PCDH9: variants seen among roughly 807,000 people sequenced by gnomAD.
PCDH9 encodes the protein protocadherin-9.
A neutral mutation model predicts 70.6 loss-of-function variants in PCDH9; 24 were observed. The observed-to-expected ratio is 0.34, with a 90% CI of 0.25 to 0.48. The LOEUF is 0.48. Ranked by LOEUF, PCDH9 falls within the 20% of genes least tolerant of loss-of-function variation. The pLI is 0.99. For synonymous variants in PCDH9, 562 were observed against 558.5 expected (o/e 1.01, Z -0.09); for missense variants, 1,281 against 1,503.6 (o/e 0.85, Z 2.45).
rs182975509 is a variant in PCDH9 at position 66,355,845 on chromosome 13, A to G, written c.3341-50817T>C. Among the ~76,000 whole-genome samples, 4 of 152,270 alleles carry G rather than the reference A, an allele frequency of 2.6e-5. No individual in the cohort carries two copies. The East Asian group carries it at 5.8e-4, about 22-fold the overall frequency. On this transcript the variant is annotated intron_variant, in intron 4 of 4. Transcript: ENST00000377865. The stretch of plus-strand genomic sequence containing the variant: ...GACTTTATAGAACATAACTACTGAA[A>G]AGAACAAGAATTGACAATACCTTCT...
chr13:66,758,942 T>G (rs545283929), intron 3 of PCDH9, among the ~76,000 whole-genome samples: 1 of 152,200 alleles, frequency 6.6e-6, no homozygotes, highest in South Asian at 2.1e-4. Context: ...TACAAAACTT[T>G]GTGTATTTCT....
At chr13:66,361,260 G>T (rs1419324200) in intron 4 of PCDH9, among the ~76,000 whole-genome samples, 1 of 151,974 alleles carries the variant, frequency 6.6e-6, no homozygotes, top group African/African-American at 2.4e-5. Flanking sequence ...TTGTCTGTTG[G>T]CAGTAAAATA....
chr13:67,176,419 T>C (rs2088458428), intron 2 of PCDH9, among the ~76,000 whole-genome samples: 1 of 152,100 alleles, frequency 6.6e-6, no homozygotes, highest in Non-Finnish European at 1.5e-5. Flanking sequence ...CCTCTTGAAC[T>C]GAAAGATACT....
At chr13:66,693,767 C>T (rs551404478) in intron 3 of PCDH9, among the ~76,000 whole-genome samples, 1 of 152,108 alleles carries the variant, frequency 6.6e-6, no homozygotes, top group Non-Finnish European at 1.5e-5. Flanking sequence ...TTAGGTGGGT[C>T]CAGTTAATTA....
intron 2 of PCDH9, among the ~76,000 whole-genome samples, chr13:66,958,933 G>C (rs1175145616): frequency 3.3e-5 from 5 of 152,254 alleles, no homozygotes; most frequent in African/African-American, 1.2e-4. Flanking sequence ...TCTGACTGTA[G>C]TTTTTCTTTG....
intron 3 of PCDH9, among the ~76,000 whole-genome samples, chr13:66,888,196 C>A (rs1348372534): frequency 6.6e-6 from 1 of 151,972 alleles, no homozygotes; most frequent in Non-Finnish European, 1.5e-5. Flanking sequence ...GCTGCACACT[C>A]AAAAAAATGG....
intron 4 of PCDH9, among the ~76,000 whole-genome samples, chr13:66,449,504 C>T (rs1446497423): frequency 1.3e-5 from 2 of 152,106 alleles, no homozygotes. Context: ...GGGCTTGCCA[C>T]CTGACTTCCA....
chr13:66,589,058 T>C (rs1006346531), intron 4 of PCDH9, among the ~76,000 whole-genome samples: 3 of 152,098 alleles, frequency 2.0e-5, no homozygotes, highest in African/African-American at 7.2e-5. Flanking sequence ...AAAATGTTGC[T>C]TTAGTCGTTG....
At chr13:66,722,344 C>T (rs1203027934) in intron 3 of PCDH9, among the ~76,000 whole-genome samples, 1 of 152,166 alleles carries the variant, frequency 6.6e-6, no homozygotes, top group Non-Finnish European at 1.5e-5. Flanking sequence ...GGTCATCTCA[C>T]TTAATGAGGT....
At chr13:66,532,918 A>G (rs982111662) in intron 4 of PCDH9, among the ~76,000 whole-genome samples, 1 of 152,110 alleles carries the variant, frequency 6.6e-6, no homozygotes, top group Admixed American at 6.6e-5. Context: ...ATAATTTTCT[A>G]AAAAATGGCT....
chr13:66,857,985 A>T (rs1277272478), intron 3 of PCDH9, among the ~76,000 whole-genome samples: 1 of 152,154 alleles, frequency 6.6e-6, no homozygotes, highest in Non-Finnish European at 1.5e-5. Context: ...TAACCCAGGA[A>T]GCATCCCACT....
At chr13:66,999,011 C>A (rs1459413423) in intron 2 of PCDH9, among the ~76,000 whole-genome samples, 1 of 152,198 alleles carries the variant, frequency 6.6e-6, no homozygotes, top group Non-Finnish European at 1.5e-5. Context: ...TGCTCAGAGT[C>A]CTTTGCCATC....
chr13:67,146,469 A>C (rs9571721), intron 2 of PCDH9, among the ~76,000 whole-genome samples: 36,127 of 152,108 alleles, frequency 0.24, 4,485 homozygotes, highest in African/African-American at 0.31. Flanking sequence ...CAAACCAAAC[A>C]AACACAACAG....
At chr13:66,866,210 C>T (rs1267146268) in intron 3 of PCDH9, among the ~76,000 whole-genome samples, 1 of 152,182 alleles carries the variant, frequency 6.6e-6, no homozygotes, top group East Asian at 1.9e-4. Context: ...CGGCCATGCG[C>T]GGTGACTCAC....
intron 3 of PCDH9, among the ~76,000 whole-genome samples, chr13:66,812,642 C>G (rs1287827318): frequency 6.6e-6 from 1 of 152,132 alleles, no homozygotes; most frequent in Non-Finnish European, 1.5e-5. Flanking sequence ...TAAAATAGAA[C>G]AAGGCAGAGT....
At chr13:66,638,386 G>A (rs2077667268) in intron 3 of PCDH9, among the ~76,000 whole-genome samples, 1 of 152,136 alleles carries the variant, frequency 6.6e-6, no homozygotes, top group Admixed American at 6.6e-5. Flanking sequence ...AGAAAAAAAA[G>A]GCGAAGGGAC....
chr13:66,410,828 A>G (rs1593933743), intron 4 of PCDH9, among the ~76,000 whole-genome samples: 1 of 152,220 alleles, frequency 6.6e-6, no homozygotes, highest in Non-Finnish European at 1.5e-5. Flanking sequence ...AAGATAAAAT[A>G]TTTTTAGTTA....
intron 2 of PCDH9, among the ~76,000 whole-genome samples, chr13:66,949,999 C>T (rs1421180686): frequency 6.6e-6 from 1 of 152,016 alleles, no homozygotes; most frequent in Non-Finnish European, 1.5e-5. Flanking sequence ...TCGATATTCA[C>T]TTTGTTTACT....
In PCDH9 at chr13:66,568,528, A is replaced by G. The variant is rs376627047; in HGVS notation, c.3340+62682T>C. 5.9e-4 allele frequency among the ~76,000 whole-genome samples: 87 copies of G among 147,730 alleles called. 4 individuals are homozygous for G. In the South Asian group the frequency reaches 0.018, roughly 31 times the overall value. ...GAGACTTTACAAAAAAAAAAAAAAG[A>G]AAGAAAGAAAGTAGCTAGATGTGGT... On this transcript the variant is annotated intron_variant, in intron 4 of 4. Coordinates refer to ENST00000377865, the MANE Select transcript of PCDH9 (RefSeq NM_203487.3).
Sources: gnomAD v4.1 joint callset for allele counts (sites outside exome capture counted in the v4.1 genomes callset) on GRCh38, gnomAD v4.1.1 for gene constraint, MANE v1.5 for transcripts, NCBI Gene and HGNC (gene_info 2026-07-23, HGNC 2026-07-21) for gene names.